The following PLEKHA4 variants were observed in gnomAD, a reference collection of about 807,000 sequenced individuals.
PLEKHA4 encodes pleckstrin homology domain-containing family A member 4.
A neutral mutation model predicts 94.7 loss-of-function variants in PLEKHA4; 73 were observed. The ratio of observed to expected loss-of-function variants is 0.77; its 90% CI spans 0.64 to 0.94. The LOEUF (loss-of-function observed/expected upper bound fraction) is 0.94. Among genes scored for constraint, PLEKHA4 ranks in the 40% least tolerant of loss-of-function variants. PLEKHA4 has a pLI of 0.00. For synonymous variants in PLEKHA4, 449 were observed against 437.1 expected, an observed-to-expected ratio of 1.03 and a Z score of -0.34; for missense variants, 1,049 against 1,054.1, an observed-to-expected ratio of 1.00 and a Z score of 0.07.
intron 18 of PLEKHA4, among the ~76,000 whole-genome samples, chr19:48,838,704 T>A (rs141567993): frequency 4.7e-5 from 7 of 149,612 alleles, no homozygotes; most frequent in African/African-American, 1.7e-4. Context: ...AAGGCGGAGG[T>A]TGCAGTGAAC....
At chr19:48,844,011 G>A (rs2035864207) in intron 16 of PLEKHA4, among the ~76,000 whole-genome samples, 1 of 151,784 alleles carries the variant, frequency 6.6e-6, no homozygotes, top group Non-Finnish European at 1.5e-5. Flanking sequence ...ACGTTAGCCA[G>A]GCTGCTCTTG....
Position 48,865,482 on chromosome 19 carries a change from TC to T in PLEKHA4, c.192+20del. 6.3e-7 allele frequency: 1 copy of T among 1,592,394 alleles called. No individual in the cohort carries two copies. Among genetic ancestry groups the T allele is most frequent in the Non-Finnish European group, 8.6e-7 (1 of 1,160,740 alleles). Reference sequence around the variant, plus strand: ...CGGGGCACAGACTTCAGTGTCCTTTTCCTTCTCCTACTGACCCCACCTGCTT... The same window carrying T: ...CGGGGCACAGACTTCAGTGTCCTTTTCTTCTCCTACTGACCCCACCTGCTT... On this transcript the variant is annotated intron_variant, in intron 3 of 19. Transcript: ENST00000263265.
intron 16 of PLEKHA4, among the ~76,000 whole-genome samples, chr19:48,842,097 A>ATACAG (rs1348874282): frequency 6.7e-5 from 10 of 149,706 alleles, no homozygotes; most frequent in African/African-American, 2.0e-4. Context: ...TATATAAATG[A>ATACAG]TGGCCAGTGG....
At chr19:48,843,395 G>A (rs1407246161) in intron 16 of PLEKHA4, among the ~76,000 whole-genome samples, 1 of 151,960 alleles carries the variant, frequency 6.6e-6, no homozygotes, top group African/African-American at 2.4e-5. Context: ...TGGTCAGGCT[G>A]GTTTCGAACT....
chr19:48,866,989 T>G (rs2036856775), intron 2 of PLEKHA4, among the ~76,000 whole-genome samples: 1 of 152,040 alleles, frequency 6.6e-6, no homozygotes, highest in Admixed American at 6.6e-5. Flanking sequence ...TTGGAAGCGG[T>G]GGTACTGACC....
intron 14 of PLEKHA4, among the ~76,000 whole-genome samples, chr19:48,846,334 C>G (rs1260100173): frequency 6.6e-6 from 1 of 151,812 alleles, no homozygotes; most frequent in East Asian, 1.9e-4. Flanking sequence ...GCCTGTAGTC[C>G]CAGCTACTCG....
intron 3 of PLEKHA4, 107 bp from the exon 4 acceptor site, chr19:48,861,799 A>G (rs2036652644): frequency 3.1e-6 from 3 of 976,754 alleles, no homozygotes; most frequent in South Asian, 2.8e-5. Flanking sequence ...AAACTTGGAG[A>G]GAGGAGAACA....
At chr19:48,841,854 G>T (rs953117520) in intron 16 of PLEKHA4, among the ~76,000 whole-genome samples, 2 of 152,134 alleles carry the variant, frequency 1.3e-5, no homozygotes, top group South Asian at 4.1e-4. Flanking sequence ...GCTGAGGCAG[G>T]GGGATCACTT....
intron 16 of PLEKHA4, among the ~76,000 whole-genome samples, chr19:48,844,123 TTATTA>T (rs1568536125): frequency 2.4e-3 from 40 of 16,810 alleles, no homozygotes; most frequent in South Asian, 0.013. Context: ...ATTTATTTTA[TTATTA>T]TTATTATTAT....
At chr19:48,844,607 G>A (rs2035895037) in intron 16 of PLEKHA4, 2 of 985,238 alleles carry the variant, frequency 2.0e-6, no homozygotes, top group Non-Finnish European at 2.4e-6. Flanking sequence ...AATCAGTGAT[G>A]GATCCGTACT....
chr19:48,859,782 GA>G, intron 6 of PLEKHA4, 98 bp from the exon 7 acceptor site: 3 of 1,137,084 alleles, frequency 2.6e-6, no homozygotes, highest in Non-Finnish European at 2.5e-6. Flanking sequence ...CCCAAAAAAG[GA>G]AAGTTGTGCA....
In PLEKHA4 at chr19:48,853,778, G is replaced by T. The variant is rs745623705; in HGVS notation, c.1230C>A (p.Thr410=). Residue 410 remains threonine (T), a synonymous_variant, in exon 12 of 20, where the codon ACC becomes ACA. Transcript: ENST00000263265. ...ELTRQQLGQA[T]REAGAPGRAW... is the part of the protein sequence containing the mutation. ...CCCTCCCGGGAGCCCCAGCCTCCCT[G>T]GTGGCTTGGCCCAGCTGTTGCCGGG... 7 of 1,613,502 alleles carry T rather than the reference G, an allele frequency of 4.3e-6. No individual in the cohort carries two copies. Among genetic ancestry groups the T allele is most frequent in the East Asian group, 4.5e-5 (2 of 44,862 alleles).
chr19:48,847,235 G>C (rs1175676658), intron 14 of PLEKHA4, among the ~76,000 whole-genome samples: 1 of 152,016 alleles, frequency 6.6e-6, no homozygotes, highest in African/African-American at 2.4e-5. Flanking sequence ...TTTAAGACCA[G>C]ACTTGGCAGC....
At chr19:48,859,263 G>T in intron 7 of PLEKHA4, 124 bp from the exon 8 acceptor site, 1 of 931,298 alleles carries the variant, frequency 1.1e-6, no homozygotes, top group Non-Finnish European at 1.6e-6. Flanking sequence ...CACTGGGTTA[G>T]AATCCTCCTC....
At chr19:48,865,933 G>A (rs901764644) in intron 2 of PLEKHA4, among the ~76,000 whole-genome samples, 1 of 151,488 alleles carries the variant, frequency 6.6e-6, no homozygotes, top group Non-Finnish European at 1.5e-5. Flanking sequence ...AGAATGGCGA[G>A]AACCCGGGAG....
chr19:48,845,088 A>G (rs938680223), intron 16 of PLEKHA4: 7 of 298,364 alleles, frequency 2.3e-5, no homozygotes, highest in African/African-American at 1.5e-4. Context: ...GCCTGGCCTC[A>G]TTCATCTAGT....
intron 13 of PLEKHA4, among the ~76,000 whole-genome samples, chr19:48,848,261 C>T (rs189042854): frequency 0.032 from 4,771 of 148,662 alleles, 237 homozygotes; most frequent in African/African-American, 0.11. Flanking sequence ...CCGAGGCGGG[C>T]GGATCACGAG....
Position 48,867,659 on chromosome 19 carries a change from G to A in PLEKHA4, c.-6-33C>T, listed in dbSNP as rs1381305158. The stretch of plus-strand genomic sequence containing the variant: ...AGAGAAAGAAAGGGGCTGTGTCTCT[G>A]CAGTGACGGGTGTGAGACAGAGATG... On this transcript the variant is annotated intron_variant, in intron 1 of 19. Transcript: ENST00000263265. This position sits in a 1 kb window ranked among gnomAD's most constrained non-coding sequence, Gnocchi z 4.7. The A allele has an allele frequency of 1.3e-6, 2 of 1,548,524 alleles. No individual in the cohort carries two copies. The highest frequency in any genetic ancestry group is 1.8e-6 in the Non-Finnish European group (2 of 1,140,950).
chr19:48,858,627 CAAAA>C (rs56663437), intron 8 of PLEKHA4, among the ~76,000 whole-genome samples: 1,582 of 63,448 alleles, frequency 0.025, 57 homozygotes, highest in Admixed American at 0.05. Context: ...ACCTCAGTCT[CAAAA>C]AAAAAAAAAA....
Sources: gnomAD v4.1 joint callset for allele counts (sites outside exome capture counted in the v4.1 genomes callset) on GRCh38, gnomAD v4.1.1 for gene constraint, Gnocchi (gnomAD v3.1) non-coding constraint, MANE v1.5 for transcripts, NCBI Gene and HGNC (gene_info 2026-07-23, HGNC 2026-07-21) for gene names.